UNC79: variants seen among roughly 807,000 people sequenced by gnomAD.
UNC79 encodes protein unc-79 homolog.
UNC79 carries 37 observed loss-of-function variants against 283.1 expected under a neutral mutation model. That is an observed-to-expected ratio of 0.13 (90% CI 0.10 to 0.17). The LOEUF (loss-of-function observed/expected upper bound fraction) is 0.17. Ranked by LOEUF, UNC79 falls within the 10% of genes least tolerant of loss-of-function variation. UNC79 has a pLI of 1.00. For missense variants in UNC79, 2,272 were observed against 3,211.1 expected (o/e 0.71, Z 7.07); for synonymous variants, 1,107 against 1,200.2 (o/e 0.92, Z 1.61).
intron 1 of UNC79, among the ~76,000 whole-genome samples, chr14:93,344,278 A>G (rs1038044947): frequency 6.6e-6 from 1 of 152,242 alleles, no homozygotes; most frequent in Non-Finnish European, 1.5e-5. Flanking sequence ...TACCCAAAGA[A>G]AAAAGTCTTG....
chr14:93,361,747 G>A (rs562673182), intron 1 of UNC79, among the ~76,000 whole-genome samples: 14 of 152,214 alleles, frequency 9.2e-5, no homozygotes, highest in Non-Finnish European at 1.9e-4. Context: ...GGAGTGGTGG[G>A]AGTGGGCATC....
chr14:93,639,025 C>A (rs2068768107), intron 32 of UNC79, among the ~76,000 whole-genome samples: 1 of 152,178 alleles, frequency 6.6e-6, no homozygotes. Flanking sequence ...AACAACTTCA[C>A]AATGCTATTG....
intron 1 of UNC79, among the ~76,000 whole-genome samples, chr14:93,408,661 T>A (rs2055274478): frequency 6.6e-6 from 1 of 152,190 alleles, no homozygotes; most frequent in Admixed American, 6.5e-5. Context: ...CGCTGCATTC[T>A]AGCCTAGGCA....
rs1269955582 is a variant in UNC79 at position 93,613,235 on chromosome 14, TAG to T, written c.4041+153_4041+154del. On this transcript the variant is annotated intron_variant, in intron 27 of 48. Coordinates refer to ENST00000555664, the Ensembl canonical transcript of UNC79. ...AGTATGTGGAGGGGAATGTGAACAT[TAG>T]TAAGAATTGGGAGCCTGGCTGAGGA... The T allele has an allele frequency of 5.8e-6, 6 of 1,033,740 alleles. No individual in the cohort carries two copies. In the Admixed American group the frequency reaches 1.1e-4, roughly 18 times the overall value. 64.0% of individuals were successfully genotyped at this position (1,033,740 alleles called of 1,614,324 possible). A position where few individuals can be genotyped will look rare whatever the true frequency, so the allele number is the denominator to read the frequency against.
At position 93,350,581 on chromosome 14, in the gene UNC79, A is replaced by G. The variant is rs559279607; in HGVS notation, c.-351+17058A>G. 7.9e-5 allele frequency among the ~76,000 whole-genome samples: 12 copies of G among 152,364 alleles called. No homozygotes were observed. In the South Asian group the frequency reaches 2.5e-3, roughly 32 times the overall value. On this transcript the variant is annotated intron_variant, in intron 1 of 49. Coordinates refer to the UNC79 transcript ENST00000256339. Reference sequence around the variant, plus strand: ...GGTTATAATTAAAAAGGAAACCATTATAATAGTCTTTCTAAAGGTTAGCCC... The same window carrying G: ...GGTTATAATTAAAAAGGAAACCATTGTAATAGTCTTTCTAAAGGTTAGCCC...
At chr14:93,574,395 T>C (rs2063361005) in intron 16 of UNC79, among the ~76,000 whole-genome samples, 1 of 152,206 alleles carries the variant, frequency 6.6e-6, no homozygotes, top group Admixed American at 6.5e-5. Context: ...AGAGCTCCCA[T>C]GTGCCAGGCA....
At chr14:93,680,026 A>G (rs1457575428) in intron 41 of UNC79, among the ~76,000 whole-genome samples, 1 of 152,218 alleles carries the variant, frequency 6.6e-6, no homozygotes, top group South Asian at 2.1e-4. Flanking sequence ...ATGACAATGC[A>G]TGGATAAAAA....
chr14:93,514,268 T>G (rs904748316), intron 7 of UNC79, among the ~76,000 whole-genome samples: 1 of 152,168 alleles, frequency 6.6e-6, no homozygotes, highest in African/African-American at 2.4e-5. Context: ...TATTTCCTGA[T>G]CTCATGGACA....
At chr14:93,682,761 C>G in intron 42 of UNC79, 67 bp downstream of exon 45, 1 of 1,500,882 alleles carries the variant, frequency 6.7e-7, no homozygotes, top group East Asian at 2.3e-5. Flanking sequence ...AGAATGTAGG[C>G]TTTAGACTTA....
intron 1 of UNC79, among the ~76,000 whole-genome samples, chr14:93,340,056 G>T (rs1461358235): frequency 6.6e-6 from 1 of 152,176 alleles, no homozygotes; most frequent in African/African-American, 2.4e-5. Flanking sequence ...CATGGACCTG[G>T]TTATGTCTGA....
intron 4 of UNC79, among the ~76,000 whole-genome samples, chr14:93,485,320 A>G (rs528919109): frequency 6.6e-6 from 1 of 151,844 alleles, no homozygotes; most frequent in South Asian, 2.1e-4. Flanking sequence ...AACAAAGGGC[A>G]CAGGGTGTGC....
chr14:93,589,951 C>T (rs1239636888), intron 22 of UNC79, among the ~76,000 whole-genome samples: 1 of 152,164 alleles, frequency 6.6e-6, no homozygotes, highest in Non-Finnish European at 1.5e-5. Flanking sequence ...GTCCCAGCTA[C>T]TGAGAGGCTG....
chr14:93,669,805 T>C (rs951728221), intron 40 of UNC79, among the ~76,000 whole-genome samples: 3 of 152,148 alleles, frequency 2.0e-5, no homozygotes, highest in African/African-American at 7.2e-5. Flanking sequence ...GCTGTGATTG[T>C]GCCCCCGACA....
At position 93,476,257 on chromosome 14, in the gene UNC79, G is replaced by A. The variant is rs557087398; in HGVS notation, c.449-1301G>A. On this transcript the variant is annotated intron_variant, in intron 3 of 48. Coordinates refer to ENST00000555664, the Ensembl canonical transcript of UNC79. ...AGGAAGAGCACTAGGCAACGGTTTT[G>A]TCGCAGTTCAACTGCTAACTCTCAG... 2.4e-3 allele frequency among the ~76,000 whole-genome samples: 370 copies of A among 152,300 alleles called. 4 individuals carry two copies. In the South Asian group the frequency reaches 0.033, roughly 14 times the overall value.
At chr14:93,564,565 C>T (rs569631887) in intron 14 of UNC79, among the ~76,000 whole-genome samples, 1 of 152,328 alleles carries the variant, frequency 6.6e-6, no homozygotes, top group East Asian at 1.9e-4. Flanking sequence ...TGAGTCACGG[C>T]ACCGAATTTC....
At chr14:93,581,806 A>G (rs1040003821) in intron 19 of UNC79, among the ~76,000 whole-genome samples, 4 of 152,126 alleles carry the variant, frequency 2.6e-5, no homozygotes, top group African/African-American at 9.6e-5. Context: ...GCATCTTAAT[A>G]TAGCTTTGTG....
chr14:93,584,960 G>T (rs1207513230), intron 20 of UNC79, among the ~76,000 whole-genome samples: 1 of 151,914 alleles, frequency 6.6e-6, no homozygotes, highest in African/African-American at 2.4e-5. Flanking sequence ...GCCTCCCAAA[G>T]TGCTAGGATT....
At chr14:93,404,688 A>G (rs2055191203) in intron 1 of UNC79, among the ~76,000 whole-genome samples, 3 of 150,714 alleles carry the variant, frequency 2.0e-5, no homozygotes, top group African/African-American at 7.3e-5. Flanking sequence ...ACTATATAAA[A>G]TAAGATATGA....
chr14:93,481,039 C>T (rs983767393), intron 4 of UNC79, among the ~76,000 whole-genome samples: 1 of 152,118 alleles, frequency 6.6e-6, no homozygotes, highest in African/African-American at 2.4e-5. Flanking sequence ...TATTGCAGCT[C>T]TTCAGAGTAA....
Sources: allele counts gnomAD v4.1 joint callset (sites outside exome capture counted in the v4.1 genomes callset), GRCh38; gene constraint gnomAD v4.1.1; transcripts MANE v1.5; gene names NCBI Gene and HGNC (gene_info 2026-07-23, HGNC 2026-07-21).